The following NXN variants were observed in gnomAD, a reference collection of about 807,000 sequenced individuals.
NXN encodes nucleoredoxin 1.
Under a neutral mutation model 48.6 loss-of-function variants are expected in NXN, and 16 were observed. That is an observed-to-expected ratio of 0.33 (90% CI 0.22 to 0.50). The LOEUF (loss-of-function observed/expected upper bound fraction) is 0.50, where lower values mean the gene tolerates loss of function less well. Among genes scored for constraint, NXN ranks in the 20% least tolerant of loss-of-function variants. The pLI, the probability that NXN is intolerant of heterozygous loss-of-function variation, is 0.98. For missense variants in NXN, 492 were observed against 605.5 expected, an observed-to-expected ratio of 0.81 and a Z score of 1.97; for synonymous variants, 281 against 269.6, an observed-to-expected ratio of 1.04 and a Z score of -0.41.
At chr17:927,690 T>A (rs2068814972) in intron 1 of NXN, among the ~76,000 whole-genome samples, 1 of 151,314 alleles carries the variant, frequency 6.6e-6, no homozygotes, top group Non-Finnish European at 1.5e-5. Flanking sequence ...AGCGATGGTT[T>A]GCGGGAGGAG....
At chr17:851,223 C>T (rs577997480) in intron 1 of NXN, among the ~76,000 whole-genome samples, 262 of 152,334 alleles carry the variant, frequency 1.7e-3, no homozygotes, top group African/African-American at 6.0e-3. Context: ...GTGGGGAGGC[C>T]GGGGCCCAGC....
chr17:812,568 A>T (rs758184991), intron 5 of NXN, among the ~76,000 whole-genome samples: 3 of 144,790 alleles, frequency 2.1e-5, no homozygotes, highest in Non-Finnish European at 4.4e-5. Flanking sequence ...TGTGTGTGTG[A>T]GTCTGTGTGT....
intron 1 of NXN, among the ~76,000 whole-genome samples, chr17:842,935 G>A (rs1405855856): frequency 3.4e-5 from 5 of 146,702 alleles, no homozygotes; most frequent in African/African-American, 5.1e-5. Flanking sequence ...GCAAAATTCC[G>A]TCTCAAAAAA....
Position 849,751 on chromosome 17 carries a change from G to A in NXN, c.361-23673C>T, listed in dbSNP as rs568365647. ...GAGGAGTGCTGAAGAGCTGACAGTG[G>A]AGGTGAGAACCATAAACTCACGTCA... is the stretch of plus-strand genomic sequence containing the variant. On this transcript the variant is annotated intron_variant, in intron 1 of 7. Coordinates refer to ENST00000336868, the MANE Select transcript of NXN (RefSeq NM_022463.5). The surrounding 1 kb of genome is among the most constrained non-coding windows in gnomAD (Gnocchi z 4.2). Among the ~76,000 whole-genome samples the A allele has an allele frequency of 6.6e-4, 100 of 152,318 alleles. 1 individual carries two copies. In the Middle Eastern group the frequency reaches 0.01, roughly 16 times the overall value.
rs1327820046 is a variant in NXN, at chr17:917,109, C to G, written c.360+62210G>C. ...CATCCGCTTTGCCTCCAACAAGATTCCCTGTTCCTAAGTGAACCAAGGAAT... is the reference window on the plus strand; with the variant it reads ...CATCCGCTTTGCCTCCAACAAGATTGCCTGTTCCTAAGTGAACCAAGGAAT... On this transcript the variant is annotated intron_variant, in intron 1 of 7. Transcript: ENST00000336868. This position sits in a 1 kb window ranked among gnomAD's most constrained non-coding sequence, Gnocchi z 4.5. Among the ~76,000 whole-genome samples the G allele has an allele frequency of 1.3e-5, 2 of 152,174 alleles. No individual in the cohort carries two copies. Among genetic ancestry groups the G allele is most frequent in the Non-Finnish European group, 2.9e-5 (2 of 68,040 alleles).
intron 1 of NXN, among the ~76,000 whole-genome samples, chr17:963,214 G>GACACACACACACACACACACACACAC (rs58535607): frequency 7.0e-6 from 1 of 142,896 alleles, no homozygotes; most frequent in Non-Finnish European, 1.5e-5. Context: ...TACTGGGACG[G>GACACACACACACACACACACACACAC]ACACACACAC....
rs1255274299 is a variant in NXN, at chr17:958,778, T to A, written c.360+20541A>T. 6.6e-6 allele frequency among the ~76,000 whole-genome samples: 1 copy of A among 151,528 alleles called. No homozygotes were observed. The highest frequency in any genetic ancestry group is 1.5e-5 in the Non-Finnish European group (1 of 67,938). ...CTCCCTCTCAAAAAATAAAATAAAA[T>A]AAAAATTAGCTGGGGAGGTGGTGAG... On this transcript the variant is annotated intron_variant, in intron 1 of 7. Transcript: ENST00000336868. This position sits in a 1 kb window ranked among gnomAD's most constrained non-coding sequence, Gnocchi z 6.9.
chr17:977,604 A>G (rs2069476704), intron 1 of NXN, among the ~76,000 whole-genome samples: 2 of 152,288 alleles, frequency 1.3e-5, no homozygotes, highest in African/African-American at 4.8e-5. Flanking sequence ...TAGGCTGTTA[A>G]GCCTGTAACA....
At chr17:842,493 G>C in intron 1 of NXN, 2 of 985,124 alleles carry the variant, frequency 2.0e-6, no homozygotes, top group Non-Finnish European at 2.4e-6. Flanking sequence ...GATGAAGGAT[G>C]AACACGGGGC....
Position 979,269 on chromosome 17 carries a change from GTAA to G in NXN, c.360+47_360+49del. ...TAACGGGCGTGGGGGGCGGGCAGGG[GTAA>G]CGGGCGTGGGGGGCGGGCAGGGGCC... On this transcript the variant is annotated intron_variant, in intron 1 of 7. Transcript: ENST00000336868. The G allele has an allele frequency of 8.6e-6, 10 of 1,165,658 alleles. No individual in the cohort carries two copies. The African/African-American group carries it at 1.3e-4, about 15-fold the overall frequency. The allele number at this position is 1,165,658 out of a possible 1,614,324, so 72.2% of individuals were successfully genotyped here.
chr17:938,258 C>T (rs947875942), intron 1 of NXN, among the ~76,000 whole-genome samples: 9 of 152,230 alleles, frequency 5.9e-5, no homozygotes, highest in African/African-American at 1.7e-4. Context: ...TTGAAAAGCA[C>T]GAGATGATGG....
intron 1 of NXN, among the ~76,000 whole-genome samples, chr17:973,475 G>A (rs76673429): frequency 6.6e-6 from 1 of 152,160 alleles, no homozygotes; most frequent in Non-Finnish European, 1.5e-5. Flanking sequence ...TAAGTTACAA[G>A]GGTGACTGAA....
At position 819,557 on chromosome 17, in the gene NXN, C is replaced by G. The variant is rs199625829; in HGVS notation, c.714-12G>C. 6.4e-7 allele frequency: 1 copy of G among 1,570,256 alleles called. No homozygotes were observed. The highest frequency in any genetic ancestry group is 1.4e-5 in the African/African-American group (1 of 73,744). ...AGGACTCCTCCGACCTACAGAGAGA[C>G]ACACGTGGCGGGCAAGGCTCAGTAT... is the stretch of plus-strand genomic sequence containing the variant. On this transcript the variant is annotated splice_polypyrimidine_tract_variant and intron_variant, in intron 4 of 7. Coordinates refer to ENST00000336868, the MANE Select transcript of NXN (RefSeq NM_022463.5).
intron 1 of NXN, among the ~76,000 whole-genome samples, chr17:950,673 T>C (rs551361542): frequency 6.6e-6 from 1 of 152,226 alleles, no homozygotes; most frequent in Admixed American, 6.5e-5. Context: ...TTTACAATCT[T>C]GAATTACGGC....
At chr17:879,523 A>T (rs2068260606) in intron 1 of NXN, among the ~76,000 whole-genome samples, 1 of 151,614 alleles carries the variant, frequency 6.6e-6, no homozygotes, top group Admixed American at 6.6e-5. Flanking sequence ...CTGACCTCAA[A>T]TGATCCACCC....
At chr17:897,311 C>T (rs947768854) in intron 1 of NXN, among the ~76,000 whole-genome samples, 1 of 152,158 alleles carries the variant, frequency 6.6e-6, no homozygotes, top group Non-Finnish European at 1.5e-5. Flanking sequence ...GTGGCTTTTC[C>T]CCAGCGTCAC....
At chr17:817,492 A>C (rs1324955791) in intron 5 of NXN, among the ~76,000 whole-genome samples, 1 of 151,888 alleles carries the variant, frequency 6.6e-6, no homozygotes, top group Non-Finnish European at 1.5e-5. Context: ...ACATGGTGAA[A>C]CCCCATCTCT....
intron 1 of NXN, among the ~76,000 whole-genome samples, chr17:968,885 T>G (rs1387824698): frequency 6.6e-6 from 1 of 150,932 alleles, no homozygotes; most frequent in East Asian, 2.0e-4. Context: ...CACAGTGAGC[T>G]GAGATCGTAC....
chr17:805,437 G>A (rs1408726801), intron 5 of NXN, among the ~76,000 whole-genome samples, 190 bp from the exon 6 acceptor site: 1 of 152,132 alleles, frequency 6.6e-6, no homozygotes, highest in African/African-American at 2.4e-5. Flanking sequence ...CTGGCCAGGG[G>A]GAGCCATGGA....
Sources: allele counts gnomAD v4.1 joint callset (sites outside exome capture counted in the v4.1 genomes callset), GRCh38; gene constraint gnomAD v4.1.1; non-coding constraint Gnocchi (gnomAD v3.1); transcripts MANE v1.5; gene names NCBI Gene and HGNC (gene_info 2026-07-23, HGNC 2026-07-21).